The following CCDC3 variants were observed in gnomAD, a reference collection of about 807,000 sequenced individuals.
CCDC3 encodes coiled-coil domain-containing protein 3.
CCDC3 carries 24 observed loss-of-function variants against 21.4 expected under a neutral mutation model. That is an observed-to-expected ratio of 1.12 (90% CI 0.81 to 1.58). The LOEUF is 1.58. CCDC3 is among the 40% of genes most tolerant of loss of function. CCDC3 has a pLI of 0.00. For missense variants in CCDC3, 425 were observed against 360.9 expected (o/e 1.18, Z -1.44); for synonymous variants, 186 against 166.0 (o/e 1.12, Z -0.93).
chr10:13,071,875 C>G (rs1365403544), intron 4 of CCDC3, among the ~76,000 whole-genome samples: 1 of 151,972 alleles, frequency 6.6e-6, no homozygotes, highest in African/African-American at 2.4e-5. Context: ...TTCCTCTGTC[C>G]TCTCTTCAGT....
intron 5 of CCDC3, among the ~76,000 whole-genome samples, chr10:13,015,585 G>A (rs1410674964): frequency 3.9e-5 from 6 of 152,000 alleles, no homozygotes; most frequent in Admixed American, 2.6e-4. Context: ...AGAAGGAAAG[G>A]GGGTACATAG....
chr10:13,078,166 A>G lies in CCDC3; in HGVS notation c.-502-4066T>C, dbSNP rs543617567. Among the ~76,000 whole-genome samples, 3 of 152,386 alleles carry G rather than the reference A, an allele frequency of 2.0e-5. No homozygotes were observed. The South Asian group carries it at 6.2e-4, about 32-fold the overall frequency. On this transcript the variant is annotated intron_variant, in intron 3 of 6. Transcript: ENST00000378839. ...AAGAACTTAAACAAATTTATAAGAA[A>G]AAAGCAAACAACCCCATCAAAAAGT...
chr10:12,957,460 T>G (rs1835106981), intron 2 of CCDC3, among the ~76,000 whole-genome samples: 1 of 152,218 alleles, frequency 6.6e-6, no homozygotes, highest in Non-Finnish European at 1.5e-5. Flanking sequence ...TAAAACAAAA[T>G]GAAACAAAGA....
chr10:13,002,949 G>T (rs1202436255), upstream of CCDC3, among the ~76,000 whole-genome samples: 1 of 152,168 alleles, frequency 6.6e-6, no homozygotes, highest in African/African-American at 2.4e-5. Context: ...TTCTAACAAG[G>T]TCACTAGTCC....
At chr10:12,947,193 G>C (rs1433432048) in intron 2 of CCDC3, among the ~76,000 whole-genome samples, 1 of 151,808 alleles carries the variant, frequency 6.6e-6, no homozygotes, top group Non-Finnish European at 1.5e-5. Context: ...GGTAGCCCAG[G>C]CTGGAGTGCA....
At chr10:12,957,010 G>A (rs1835099924) in intron 2 of CCDC3, among the ~76,000 whole-genome samples, 1 of 152,286 alleles carries the variant, frequency 6.6e-6, no homozygotes, top group South Asian at 2.1e-4. Context: ...TATGAGATGT[G>A]TATGTACCTT....
intron 2 of CCDC3, among the ~76,000 whole-genome samples, chr10:12,942,723 T>C (rs1834851697): frequency 6.6e-6 from 1 of 152,208 alleles, no homozygotes. Flanking sequence ...TTTTGTCCCC[T>C]GTGTAAATCA....
intron 3 of CCDC3, among the ~76,000 whole-genome samples, chr10:13,081,895 C>T (rs574807087): frequency 5.9e-5 from 9 of 152,304 alleles, no homozygotes; most frequent in Non-Finnish European, 1.2e-4. Context: ...ATCCTCTAAT[C>T]GACAAGACAT....
intron 3 of CCDC3, among the ~76,000 whole-genome samples, chr10:13,082,298 G>T (rs552475610): frequency 1.3e-5 from 2 of 152,198 alleles, no homozygotes; most frequent in Non-Finnish European, 2.9e-5. Context: ...CTGGACAGGC[G>T]GCCCTTCCCT....
intron 3 of CCDC3, among the ~76,000 whole-genome samples, chr10:13,089,007 C>CAAA (rs869262596): frequency 8.1e-5 from 9 of 110,836 alleles, no homozygotes; most frequent in African/African-American, 2.9e-4. Flanking sequence ...GAGACTGTCT[C>CAAA]AAAAAAAAAA....
intron 2 of CCDC3, among the ~76,000 whole-genome samples, chr10:12,948,778 G>A (rs1199003856): frequency 8.9e-6 from 1 of 112,956 alleles, no homozygotes; most frequent in East Asian, 3.1e-4. Flanking sequence ...TTTTGCCCAG[G>A]CTGGACTGCA....
chr10:12,943,618 A>C (rs986522437), intron 2 of CCDC3, among the ~76,000 whole-genome samples: 1 of 151,806 alleles, frequency 6.6e-6, no homozygotes, highest in Admixed American at 6.6e-5. Flanking sequence ...GCCCAGGTAG[A>C]AACCCCATCT....
At chr10:13,057,258 C>T (rs1413016940) in intron 4 of CCDC3, among the ~76,000 whole-genome samples, 1 of 151,978 alleles carries the variant, frequency 6.6e-6, no homozygotes, top group Non-Finnish European at 1.5e-5. Context: ...TACCACTGCA[C>T]TCCAGCCTGG....
chr10:12,901,077 C>T (rs1395484620), intron 2 of CCDC3, among the ~76,000 whole-genome samples: 1 of 152,106 alleles, frequency 6.6e-6, no homozygotes, highest in East Asian at 1.9e-4. Flanking sequence ...AAGACCAAGG[C>T]CCCTCATCCC....
chr10:12,905,899 G>C (rs1225788899), intron 2 of CCDC3, among the ~76,000 whole-genome samples: 1 of 152,118 alleles, frequency 6.6e-6, no homozygotes, highest in Non-Finnish European at 1.5e-5. Context: ...GTGTTTTCTG[G>C]CCCCGTAGAG....
chr10:12,972,207 C>A (rs569863368), intron 2 of CCDC3, among the ~76,000 whole-genome samples: 8 of 152,300 alleles, frequency 5.3e-5, no homozygotes, highest in African/African-American at 1.7e-4. Flanking sequence ...CACTCTCCAC[C>A]CTCACTGGTT....
At chr10:13,000,946 C>G (rs941472466) in intron 1 of CCDC3, among the ~76,000 whole-genome samples, 1 of 152,222 alleles carries the variant, frequency 6.6e-6, no homozygotes, top group Non-Finnish European at 1.5e-5. Flanking sequence ...GTCTGCAATG[C>G]TCTTCTGTGT....
At chr10:12,929,216 C>T (rs191701737) in intron 2 of CCDC3, among the ~76,000 whole-genome samples, 5 of 143,684 alleles carry the variant, frequency 3.5e-5, no homozygotes, top group East Asian at 4.1e-4. Context: ...GAGCCGAGAT[C>T]GTGCCACTGC....
intron 4 of CCDC3, among the ~76,000 whole-genome samples, chr10:13,070,747 T>C (rs1836872172): frequency 6.6e-6 from 1 of 152,236 alleles, no homozygotes; most frequent in African/African-American, 2.4e-5. Context: ...GAAATAATTA[T>C]TCTTGCTGCA....
Sources: gnomAD v4.1 joint callset for allele counts (sites outside exome capture counted in the v4.1 genomes callset) on GRCh38, gnomAD v4.1.1 for gene constraint, MANE v1.5 for transcripts, NCBI Gene and HGNC (gene_info 2026-07-23, HGNC 2026-07-21) for gene names.